Variants in APOF observed in about 807,000 individuals in gnomAD.
APOF encodes the protein apolipoprotein F.
In APOF, 2 loss-of-function variants were observed where a neutral mutation model predicts 2.4. The ratio of observed to expected loss-of-function variants is 0.83; its 90% confidence interval spans 0.34 to 2.61. The LOEUF (loss-of-function observed/expected upper bound fraction) is 2.61, where lower values mean the gene tolerates loss of function less well. APOF is among the 30% of genes most tolerant of loss of function. The pLI is 0.11. For synonymous variants in APOF, 149 were observed against 155.6 expected, an observed-to-expected ratio of 0.96 and a Z score of 0.32; for missense variants, 370 against 388.7, an observed-to-expected ratio of 0.95 and a Z score of 0.40.
chr12:56,361,246 C>T lies in APOF; in HGVS notation c.960G>A (p.Gly320=). 2.5e-6 allele frequency: 4 copies of T among 1,613,472 alleles called. No homozygotes were observed. Among genetic ancestry groups the T allele is most frequent in the Middle Eastern group, 1.6e-4 (1 of 6,062 alleles). The change falls in exon 2 of 2, where the codon GGG becomes GGA. Residue 320 remains glycine, a synonymous_variant. Transcript: ENST00000398189. The part of the protein sequence containing the change: ...AIIKSYDLDP[G]AGSLEI ...TCTTTTATATCTCAAGACTCCCAGCCCCAGGATCTAAGTCATAGCTCTTGA... is the reference window on the plus strand; with the variant it reads ...TCTTTTATATCTCAAGACTCCCAGCTCCAGGATCTAAGTCATAGCTCTTGA...
intron 1 of APOF, 62 bp downstream of exon 1, chr12:56,362,668 C>G: frequency 1.9e-6 from 3 of 1,564,456 alleles, no homozygotes; most frequent in Non-Finnish European, 1.8e-6. Flanking sequence ...TGGTCTCCCC[C>G]ATTTACAGGT....
Position 56,361,905 on chromosome 12 carries a change from G to C in APOF, c.301C>G (p.Gln101Glu), listed in dbSNP as rs1348163603. The C allele has an allele frequency of 6.2e-7, 1 of 1,613,844 alleles. No homozygotes were observed. Among genetic ancestry groups the C allele is most frequent in the Non-Finnish European group, 8.5e-7 (1 of 1,179,862 alleles). ...LRNALEEAGC[Q>E]ADVWALQLQL... ...AGCTGTAGAGCCCAAACATCAGCCTGACAACCAGCTTCCTCCAGGGCATTC... is the reference window on the plus strand; with the variant it reads ...AGCTGTAGAGCCCAAACATCAGCCTCACAACCAGCTTCCTCCAGGGCATTC... The change falls in exon 2 of 2, where the codon CAG becomes GAG. Residue 101 changes from glutamine (Q) to glutamate (E), a missense_variant. Physicochemically the swap from Gln to Glu is conservative, Grantham distance 29 (BLOSUM62 2). Transcript: ENST00000398189.
At position 56,361,792 on chromosome 12, in the gene APOF, C is replaced by A; in HGVS notation, c.414G>T (p.Arg138Ser). 1 of 1,612,122 alleles carries A rather than the reference C, an allele frequency of 6.2e-7. No individual in the cohort carries two copies. Among genetic ancestry groups the A allele is most frequent in the Non-Finnish European group, 8.5e-7 (1 of 1,179,084 alleles). ...RGLQKGRSTERNVSVEALASA... is the reference protein window; with the variant it reads ...RGLQKGRSTESNVSVEALASA... The stretch of plus-strand genomic sequence containing the variant: ...AGGCCAGGGCTTCCACTGACACGTT[C>A]CTCTCTGTGCTTCTGCCTTTCTGGA... Residue 138 changes from arginine (R) to serine (S), a missense_variant, in exon 2 of 2, where the codon AGG (arginine) becomes AGT (serine). Physicochemically the swap from Arg to Ser is moderately radical, Grantham distance 110. Transcript: ENST00000398189.
In APOF at chr12:56,362,034, G is replaced by T. The variant is rs777635950; in HGVS notation, c.172C>A (p.Pro58Thr). ...HFPLSLESQT[P>T]SSDPLSCQFL... ...TGGCAGGACAAGGGGTCTGAGGAGG[G>T]TGTCTGGGATTCCAAGGACAAGGGA... The change falls in exon 2 of 2, where the codon CCC becomes ACC. Residue 58 changes from proline (P) to threonine (T), a missense_variant. Physicochemically the swap from Pro to Thr is conservative, Grantham distance 38. Transcript: ENST00000398189. 6.2e-7 allele frequency: 1 copy of T among 1,614,032 alleles called. No individual in the cohort carries two copies. The highest frequency in any genetic ancestry group is 8.5e-7 in the Non-Finnish European group (1 of 1,179,880).
In APOF at chr12:56,361,652, A is replaced by T. The variant is rs753137172; in HGVS notation, c.554T>A (p.Leu185Gln). Residue 185 changes from leucine (L) to glutamine (Q), a missense_variant, in exon 2 of 2, where the codon CTG becomes CAG. By Grantham distance (113) the Leu-to-Gln change is moderately radical. Transcript: ENST00000398189. The part of the protein sequence containing the change: ...KEQAVHNVVQ[L>Q]LPGVGTFYNL... Reference sequence around the variant, plus strand: ...GTAGAAGGTTCCCACTCCTGGCAGCAGCTGGACTACATTGTGCACAGCTTG... The same window carrying T: ...GTAGAAGGTTCCCACTCCTGGCAGCTGCTGGACTACATTGTGCACAGCTTG... 1.2e-6 allele frequency: 2 copies of T among 1,613,128 alleles called. No homozygotes were observed. Among genetic ancestry groups the T allele is most frequent in the Non-Finnish European group, 1.7e-6 (2 of 1,179,506 alleles).
At position 56,361,845 on chromosome 12, in the gene APOF, G is replaced by A. The variant is rs1047824815; in HGVS notation, c.361C>T (p.Gln121Ter). The stretch of plus-strand genomic sequence containing the variant: ...CCTCGAAGATGCTGGATGAGGACCT[G>A]TGTAGCATTCACACCACCCTGGCGG... ...LYRQGGVNAT[Q>*]VLIQHLRGLQ... The change falls in exon 2 of 2, where the codon CAG (glutamine) becomes TAG (stop). Residue 121 changes from glutamine (Q) to a stop codon, truncating the protein, a stop_gained. Transcript: ENST00000398189. LOFTEE classifies it low-confidence loss of function (END_TRUNC). 2 of 1,613,508 alleles carry A rather than the reference G, an allele frequency of 1.2e-6. No homozygotes were observed. Among genetic ancestry groups the A allele is most frequent in the East Asian group, 2.2e-5 (1 of 44,896 alleles).
rs1447206508 is a variant in APOF at position 56,361,188 on chromosome 12, G to A, written c.*37C>T. On this transcript the variant is annotated 3_prime_UTR_variant, in exon 2 of 2. Transcript: ENST00000398189. ...GAAGACATGTATATAGCTTGTCAGG[G>A]TAGTACAGTTATTAATTCTGTGGTT... is the stretch of plus-strand genomic sequence containing the variant. The A allele has an allele frequency of 3.1e-6, 5 of 1,590,880 alleles. No individual in the cohort carries two copies. The highest frequency in any genetic ancestry group is 4.3e-6 in the Non-Finnish European group (5 of 1,168,402).
In APOF at chr12:56,361,429, A is replaced by G; in HGVS notation, c.777T>C (p.Tyr259=). 1 of 1,614,018 alleles carries G rather than the reference A, an allele frequency of 6.2e-7. No individual in the cohort carries two copies. The highest frequency in any genetic ancestry group is 1.3e-5 in the African/African-American group (1 of 75,048). ...LRSGVQQLIQ[Y]YQDQKDANIS... ...TGTTTGCGTCTTTCTGATCTTGGTAATACTGGATCAACTGCTGAACCCCAG... is the reference window on the plus strand; with the variant it reads ...TGTTTGCGTCTTTCTGATCTTGGTAGTACTGGATCAACTGCTGAACCCCAG... Residue 259 remains tyrosine (Y), a synonymous_variant, in exon 2 of 2, where the codon TAT becomes TAC. Transcript: ENST00000398189.
chr12:56,361,070 C>T lies in APOF; in HGVS notation c.*155G>A, dbSNP rs1330078578. 9 of 870,862 alleles carry T rather than the reference C, an allele frequency of 1.0e-5. No individual in the cohort carries two copies. The highest frequency in any genetic ancestry group is 3.5e-4 in the Middle Eastern group (1 of 2,896). 53.9% of individuals were successfully genotyped at this position (870,862 alleles called of 1,614,324 possible). ...GGCTCTAACAAGTGGAGCCTAGATT[C>T]GAAACCAAACCCTGTGACTTCAACA... On this transcript the variant is annotated 3_prime_UTR_variant, in exon 2 of 2. Coordinates refer to ENST00000398189, the MANE Select transcript of APOF (RefSeq NM_001638.4).
rs576445492 is a variant in APOF at position 56,362,480 on chromosome 12, G to A, written c.16+250C>T. On this transcript the variant is annotated intron_variant, in intron 1 of 1. Transcript: ENST00000398189. ...AGCTAATTTTTAAATTTTTTGTAGA[G>A]ACGTGGTTTTGCCATCTGGCCCAGC... is the stretch of plus-strand genomic sequence containing the variant. Among the ~76,000 whole-genome samples the A allele has an allele frequency of 7.9e-5, 12 of 152,230 alleles. No individual in the cohort carries two copies. The South Asian group carries it at 8.3e-4, about 11-fold the overall frequency.
chr12:56,361,331 G>C lies in APOF; in HGVS notation c.875C>G (p.Thr292Ser), dbSNP rs1880321232. The C allele has an allele frequency of 6.2e-7, 1 of 1,613,918 alleles. No homozygotes were observed. Among genetic ancestry groups the C allele is most frequent in the Non-Finnish European group, 8.5e-7 (1 of 1,179,906 alleles). The change falls in exon 2 of 2, where the codon ACT (threonine) becomes AGT (serine). Residue 292 changes from threonine (T) to serine (S), a missense_variant. Coordinates refer to ENST00000398189, the MANE Select transcript of APOF (RefSeq NM_001638.4). ...SDVSDLEETT[T>S]LASFISEVVS... ...TACTTCTGATATGAAAGAAGCCAGAGTAGTTGTTTCTTCCAAGTCACTCAC... is the reference window on the plus strand; with the variant it reads ...TACTTCTGATATGAAAGAAGCCAGACTAGTTGTTTCTTCCAAGTCACTCAC...
Position 56,361,272 on chromosome 12 carries a change from T to C in APOF, c.934A>G (p.Ile312Val), listed in dbSNP as rs1282914846. ...SSAPYWGWAI[I>V]KSYDLDPGAG... ...CCAGGATCTAAGTCATAGCTCTTGA[T>C]TATGGCCCACCCCCAGTAGGGAGCT... The change falls in exon 2 of 2, where the codon ATC (isoleucine) becomes GTC (valine). Residue 312 changes from isoleucine (I) to valine (V), a missense_variant. Physicochemically the swap from Ile to Val is conservative, Grantham distance 29. Coordinates refer to ENST00000398189, the MANE Select transcript of APOF (RefSeq NM_001638.4). 3.7e-6 allele frequency: 6 copies of C among 1,614,046 alleles called. No homozygotes were observed. The East Asian group carries it at 1.3e-4, about 36-fold the overall frequency.
rs1262646119 is a variant in APOF at position 56,361,166 on chromosome 12, G to A, written c.*59C>T. 3 of 1,528,592 alleles carry A rather than the reference G, an allele frequency of 2.0e-6. No homozygotes were observed. The highest frequency in any genetic ancestry group is 2.3e-5 in the East Asian group (1 of 44,240). 94.7% of individuals were successfully genotyped at this position (1,528,592 alleles called of 1,614,324 possible). A position where few individuals can be genotyped will look rare whatever the true frequency, so the allele number is the denominator to read the frequency against. On this transcript the variant is annotated 3_prime_UTR_variant, in exon 2 of 2. Coordinates refer to ENST00000398189, the MANE Select transcript of APOF (RefSeq NM_001638.4). ...GGATAAATCAGATTAAAATTTTGAAGACATGTATATAGCTTGTCAGGGTAG... is the reference window on the plus strand; with the variant it reads ...GGATAAATCAGATTAAAATTTTGAAAACATGTATATAGCTTGTCAGGGTAG...
Position 56,362,081 on chromosome 12 carries a change from T to C in APOF, c.125A>G (p.Gln42Arg), listed in dbSNP as rs1316464064. 6.2e-7 allele frequency: 1 copy of C among 1,614,000 alleles called. No individual in the cohort carries two copies. Among genetic ancestry groups the C allele is most frequent in the Admixed American group, 1.7e-5 (1 of 60,016 alleles). Residue 42 changes from glutamine to arginine, a missense_variant, in exon 2 of 2, where the codon CAG becomes CGG. Physicochemically the swap from Gln to Arg is conservative, Grantham distance 43. Transcript: ENST00000398189. ...HPVDATSYGK[Q>R]TNVLMHFPLS... is the part of the protein sequence containing the mutation. ...GGGAAAGTGCATCAAGACATTTGTCTGCTTTCCATATGAAGTGGCATCCAC... is the reference window on the plus strand; with the variant it reads ...GGGAAAGTGCATCAAGACATTTGTCCGCTTTCCATATGAAGTGGCATCCAC...
At position 56,361,771 on chromosome 12, in the gene APOF, C is replaced by T. The variant is rs747945589; in HGVS notation, c.435G>A (p.Leu145=). ...TGGCTAACAGCTGCAGAGCAGAGGCCAGGGCTTCCACTGACACGTTCCTCT... is the reference window on the plus strand; with the variant it reads ...TGGCTAACAGCTGCAGAGCAGAGGCTAGGGCTTCCACTGACACGTTCCTCT... ...STERNVSVEA[L]ASALQLLARE... is the part of the protein sequence containing the mutation. The change falls in exon 2 of 2, where the codon CTG becomes CTA. Residue 145 remains leucine (L), a synonymous_variant. Transcript: ENST00000398189. 1 of 1,610,554 alleles carries T rather than the reference C, an allele frequency of 6.2e-7. No individual in the cohort carries two copies. The highest frequency in any genetic ancestry group is 8.5e-7 in the Non-Finnish European group (1 of 1,178,388).
Position 56,360,911 on chromosome 12 carries a change from A to T in APOF, c.*314T>A. ...ATAGCTATTTATTGAAAGTACTGTG[A>T]TAAGCATTTTAGATTCATTGTATCA... On this transcript the variant is annotated 3_prime_UTR_variant, in exon 2 of 2. Transcript: ENST00000398189. 1 of 355,944 alleles carries T rather than the reference A, an allele frequency of 2.8e-6. No individual in the cohort carries two copies. The highest frequency in any genetic ancestry group is 5.2e-6 in the Non-Finnish European group (1 of 193,542). The allele number at this position is 355,944 out of a possible 1,614,324, so 22.0% of individuals were successfully genotyped here.
chr12:56,361,625 T>A lies in APOF; in HGVS notation c.581A>T (p.Asn194Ile). Reference sequence around the variant, plus strand: ...AGCATAATACAAAGCTGTGCCCAGGTTGTAGAAGGTTCCCACTCCTGGCAG... The same window carrying A: ...AGCATAATACAAAGCTGTGCCCAGGATGTAGAAGGTTCCCACTCCTGGCAG... Reference protein sequence around the residue: ...QLLPGVGTFYNLGTALYYATQ... With the variant: ...QLLPGVGTFYILGTALYYATQ... The change falls in exon 2 of 2, where the codon AAC becomes ATC. Residue 194 changes from asparagine (N) to isoleucine (I), a missense_variant. Asn to Ile is a moderately radical substitution (Grantham distance 149). Coordinates refer to ENST00000398189, the MANE Select transcript of APOF (RefSeq NM_001638.4). 6.2e-7 allele frequency: 1 copy of A among 1,613,822 alleles called. No homozygotes were observed. The highest frequency in any genetic ancestry group is 8.5e-7 in the Non-Finnish European group (1 of 1,179,796).
rs1467089213 is a variant in APOF, at chr12:56,360,629, G to C, written c.*596C>G. On this transcript the variant is annotated 3_prime_UTR_variant, in exon 2 of 2. Transcript: ENST00000398189. The stretch of plus-strand genomic sequence containing the variant: ...GACATGGTCTCGCTCTGTCACCCAG[G>C]CTGGAATGCAGCGGCGCGATCTCGG... 6.6e-6 allele frequency: 1 copy of C among 152,514 alleles called. No individual in the cohort carries two copies. Among genetic ancestry groups the C allele is most frequent in the Admixed American group, 6.6e-5 (1 of 15,254 alleles). 9.4% of individuals were successfully genotyped at this position (152,514 alleles called of 1,614,324 possible).
Position 56,361,368 on chromosome 12 carries a change from C to G in APOF, c.838G>C (p.Ala280Pro), listed in dbSNP as rs528813347. The G allele has an allele frequency of 6.2e-7, 1 of 1,614,040 alleles. No individual in the cohort carries two copies. Among genetic ancestry groups the G allele is most frequent in the East Asian group, 2.2e-5 (1 of 44,890 alleles). ...QPETTKEGLR[A>P]ISDVSDLEET... The stretch of plus-strand genomic sequence containing the variant: ...TCCAAGTCACTCACATCTGAGATGG[C>G]CCTCAAACCCTCCTTGGTGGTCTCC... Residue 280 changes from alanine to proline, a missense_variant, in exon 2 of 2, where the codon GCC becomes CCC. Coordinates refer to ENST00000398189, the MANE Select transcript of APOF (RefSeq NM_001638.4).
Sources: gnomAD v4.1 joint callset for allele counts (sites outside exome capture counted in the v4.1 genomes callset) on GRCh38, gnomAD v4.1.1 for gene constraint, MANE v1.5 for transcripts, NCBI Gene and HGNC (gene_info 2026-07-23, HGNC 2026-07-21) for gene names.